Variants in LHX4 observed in about 807,000 individuals in gnomAD.
The protein encoded by LHX4 is LIM/homeobox protein Lhx4.
A neutral mutation model predicts 39.2 loss-of-function variants in LHX4; 16 were observed. The ratio of observed to expected loss-of-function variants is 0.41; its 90% confidence interval spans 0.28 to 0.62. The LOEUF (loss-of-function observed/expected upper bound fraction) is 0.62. LHX4 is among the 20% of genes least tolerant of loss of function. The probability of loss-of-function intolerance (pLI) is 0.33; values close to 1 mark genes in which losing one functional copy is unlikely to be tolerated. For missense variants in LHX4, 439 were observed against 511.9 expected, an observed-to-expected ratio of 0.86 and a Z score of 1.37; for synonymous variants, 206 against 198.1, an observed-to-expected ratio of 1.04 and a Z score of -0.33.
At chr1:180,250,816 A>G (rs578109524) in intron 2 of LHX4, among the ~76,000 whole-genome samples, 59 of 152,230 alleles carry the variant, frequency 3.9e-4, no homozygotes, top group Non-Finnish European at 5.4e-4. Context: ...TGGGTTTGGG[A>G]GAAGTAATGA....
intron 1 of LHX4, among the ~76,000 whole-genome samples, chr1:180,233,691 G>A (rs1664232440): frequency 6.6e-6 from 1 of 152,138 alleles, no homozygotes; most frequent in African/African-American, 2.4e-5. Context: ...AGGCACCGAG[G>A]GAAAGGACGA....
rs1201176689 is a variant in LHX4 at position 180,278,074 on chromosome 1, G to C, written c.*3495G>C. ...GGCTTCTGATGAGCAAAGGCTGTGT[G>C]TTGTATGACAGTCCACTCTCTGCAC... On this transcript the variant is annotated 3_prime_UTR_variant, in exon 6 of 6. Coordinates refer to ENST00000263726, the MANE Select transcript of LHX4 (RefSeq NM_033343.4). 6.6e-6 allele frequency: 1 copy of C among 152,174 alleles called. No homozygotes were observed. The highest frequency in any genetic ancestry group is 1.5e-5 in the Non-Finnish European group (1 of 68,044). The allele number at this position is 152,174 out of a possible 1,614,324, so 9.4% of individuals were successfully genotyped here. A position where few individuals can be genotyped will look rare whatever the true frequency, so the allele number is the denominator to read the frequency against.
At chr1:180,243,688 C>T (rs1647263318) in intron 1 of LHX4, among the ~76,000 whole-genome samples, 1 of 152,072 alleles carries the variant, frequency 6.6e-6, no homozygotes, top group Non-Finnish European at 1.5e-5. Flanking sequence ...ACAGAGGCTG[C>T]TGCTTCCCGC....
chr1:180,233,864 C>T (rs1358714028), intron 1 of LHX4, among the ~76,000 whole-genome samples: 2 of 151,972 alleles, frequency 1.3e-5, no homozygotes, highest in African/African-American at 4.8e-5. Flanking sequence ...CTCTGGCGAA[C>T]CCCGAAGCTG....
intron 3 of LHX4, among the ~76,000 whole-genome samples, chr1:180,268,355 A>G (rs911655498): frequency 2.0e-5 from 3 of 152,196 alleles, no homozygotes; most frequent in African/African-American, 7.2e-5. Context: ...GGTTCAAGAG[A>G]CAAGAGAAAC....
At chr1:180,230,259 A>G, upstream of LHX4, 1 of 536,776 alleles carries the variant, frequency 1.9e-6, no homozygotes, top group Non-Finnish European at 3.3e-6. This position sits in a 1 kb window ranked among gnomAD's most constrained non-coding sequence, Gnocchi z 5.8. Context: ...AAGAGGAAAA[A>G]AGCCAGAGCT....
At chr1:180,271,119 G>A (rs1034784637) in intron 3 of LHX4, 2 of 546,572 alleles carry the variant, frequency 3.7e-6, no homozygotes, top group Non-Finnish European at 6.6e-6. Flanking sequence ...GTGCAGCTGG[G>A]CTGGCAGGGG....
At chr1:180,255,027 G>A (rs755722085) in intron 2 of LHX4, among the ~76,000 whole-genome samples, 6 of 152,332 alleles carry the variant, frequency 3.9e-5, no homozygotes, top group South Asian at 2.1e-4. Flanking sequence ...GTGAGGAGCC[G>A]GCCTGCATTT....
intron 1 of LHX4, among the ~76,000 whole-genome samples, chr1:180,235,836 G>A (rs61809112): frequency 0.16 from 23,914 of 152,298 alleles, 2,145 homozygotes; most frequent in Non-Finnish European, 0.2. Flanking sequence ...GACTGGGACC[G>A]AGCGCATCCC....
chr1:180,260,588 C>G (rs78673033), intron 2 of LHX4, among the ~76,000 whole-genome samples: 1 of 151,762 alleles, frequency 6.6e-6, no homozygotes. Flanking sequence ...GAGAGTCAGC[C>G]GAGAAGTCTC....
At position 180,259,983 on chromosome 1, in the gene LHX4, A is replaced by G. The variant is rs576956552; in HGVS notation, c.249-6409A>G. Among the ~76,000 whole-genome samples the G allele has an allele frequency of 2.0e-4, 31 of 151,544 alleles. 1 individual carries two copies. Among genetic ancestry groups the G allele is most frequent in the African/African-American group, 6.3e-4 (26 of 40,994 alleles). ...GAGGGTAGAGGCCACAGCCTTCAGG[A>G]GGTCAAAGAATTGAGAGGGAGGGCC... On this transcript the variant is annotated intron_variant, in intron 2 of 5. Transcript: ENST00000263726.
In LHX4 at chr1:180,232,644, A is replaced by G. The variant is rs1386925379; in HGVS notation, c.76+2039A>G. 1.3e-5 allele frequency among the ~76,000 whole-genome samples: 2 copies of G among 152,024 alleles called. No homozygotes were observed. The highest frequency in any genetic ancestry group is 2.9e-5 in the Non-Finnish European group (2 of 68,000). On this transcript the variant is annotated intron_variant, in intron 1 of 5. Coordinates refer to ENST00000263726, the MANE Select transcript of LHX4 (RefSeq NM_033343.4). The surrounding 1 kb of genome is among the most constrained non-coding windows in gnomAD (Gnocchi z 5.4). Reference sequence around the variant, plus strand: ...GGCATCGGCCAAAATTGAGGGGCCCACTCCCTGAAGACTTCTGGATCCAGC... The same window carrying G: ...GGCATCGGCCAAAATTGAGGGGCCCGCTCCCTGAAGACTTCTGGATCCAGC...
intron 3 of LHX4, 41 bp from the exon 4 acceptor site, chr1:180,271,339 C>CAGAT: frequency 6.2e-7 from 1 of 1,612,456 alleles, no homozygotes; most frequent in Admixed American, 1.7e-5. Context: ...GCAGCTGCTG[C>CAGAT]AGATAGGCCG....
chr1:180,240,932 C>T (rs1326295592), intron 1 of LHX4, among the ~76,000 whole-genome samples: 2 of 152,158 alleles, frequency 1.3e-5, no homozygotes, highest in East Asian at 1.9e-4. Flanking sequence ...AAAGCTTCCT[C>T]GATGAAGAAG....
rs1664203355 is a variant in LHX4, at chr1:180,232,384, T to A, written c.76+1779T>A. Among the ~76,000 whole-genome samples, 1 of 152,198 alleles carries A rather than the reference T, an allele frequency of 6.6e-6. No homozygotes were observed. ...ATTGTCTCACTTTTTGCCTTCCCTG[T>A]TCAGAGACAACTTTGATGTTCGACG... On this transcript the variant is annotated intron_variant, in intron 1 of 5. Coordinates refer to ENST00000263726, the MANE Select transcript of LHX4 (RefSeq NM_033343.4). This position sits in a 1 kb window ranked among gnomAD's most constrained non-coding sequence, Gnocchi z 5.4.
Position 180,266,518 on chromosome 1 carries a change from C to T in LHX4, c.375C>T (p.Ala125=), listed in dbSNP as rs1648318804. 6.2e-7 allele frequency: 1 copy of T among 1,614,208 alleles called. No homozygotes were observed. Among genetic ancestry groups the T allele is most frequent in the African/African-American group, 1.3e-5 (1 of 75,060 alleles). ...FACIICNRQL[A]TGDEFYLMED... Reference sequence around the variant, plus strand: ...GCATCATCTGCAACCGGCAGCTGGCCACGGGGGACGAATTCTACCTCATGG... The same window carrying T: ...GCATCATCTGCAACCGGCAGCTGGCTACGGGGGACGAATTCTACCTCATGG... The change falls in exon 3 of 6, where the codon GCC becomes GCT. Residue 125 remains alanine, a synonymous_variant. Transcript: ENST00000263726. This position sits in a 1 kb window ranked among gnomAD's most constrained non-coding sequence, Gnocchi z 5.7.
rs1157875936 is a variant in LHX4 at position 180,234,853 on chromosome 1, G to A, written c.76+4248G>A. Among the ~76,000 whole-genome samples the A allele has an allele frequency of 6.6e-6, 1 of 152,240 alleles. No homozygotes were observed. Among genetic ancestry groups the A allele is most frequent in the Non-Finnish European group, 1.5e-5 (1 of 68,040 alleles). ...GAGCAGGAGTGGCGTCCTAGGGTCT[G>A]GGAGCGCGACCCACATGACCTCGCT... On this transcript the variant is annotated intron_variant, in intron 1 of 5. Coordinates refer to ENST00000263726, the MANE Select transcript of LHX4 (RefSeq NM_033343.4). This position sits in a 1 kb window ranked among gnomAD's most constrained non-coding sequence, Gnocchi z 4.8.
chr1:180,266,089 C>T lies in LHX4; in HGVS notation c.249-303C>T, dbSNP rs1648302149. Among the ~76,000 whole-genome samples, 1 of 152,176 alleles carries T rather than the reference C, an allele frequency of 6.6e-6. No homozygotes were observed. Among genetic ancestry groups the T allele is most frequent in the African/African-American group, 2.4e-5 (1 of 41,444 alleles). ...AGGGACTTAGAAAGTCCACCTGCTC[C>T]CCCTGTGAATTGATGGGTGTTAATC... On this transcript the variant is annotated intron_variant, in intron 2 of 5. Transcript: ENST00000263726. This position sits in a 1 kb window ranked among gnomAD's most constrained non-coding sequence, Gnocchi z 5.7.
At position 180,265,115 on chromosome 1, in the gene LHX4, AATTT is replaced by A. The variant is rs778992514; in HGVS notation, c.249-1272_249-1269del. Among the ~76,000 whole-genome samples, 3 of 152,078 alleles carry A rather than the reference AATTT, an allele frequency of 2.0e-5. No individual in the cohort carries two copies. In the East Asian group the frequency reaches 5.8e-4, roughly 29 times the overall value. On this transcript the variant is annotated intron_variant, in intron 2 of 5. Transcript: ENST00000263726. ...CATCATGATAGCCATGACCATAATT[AATTT>A]ATTTGGTATTAATGTGGATGAAATA...
Sources: gnomAD v4.1 joint callset for allele counts (sites outside exome capture counted in the v4.1 genomes callset) on GRCh38, gnomAD v4.1.1 for gene constraint, Gnocchi (gnomAD v3.1) non-coding constraint, MANE v1.5 for transcripts, NCBI Gene and HGNC (gene_info 2026-07-23, HGNC 2026-07-21) for gene names.